The following CAMKK2 variants were observed in gnomAD, a reference collection of about 807,000 sequenced individuals.
The protein encoded by CAMKK2 is calcium/calmodulin dependent protein kinase kinase 2.
A neutral mutation model predicts 67.2 loss-of-function variants in CAMKK2; 30 were observed. That is an observed-to-expected ratio of 0.45 (90% CI 0.33 to 0.61). The LOEUF (loss-of-function observed/expected upper bound fraction) is 0.61. Among genes scored for constraint, CAMKK2 ranks in the 20% least tolerant of loss-of-function variants. CAMKK2 has a pLI of 0.02. For synonymous variants in CAMKK2, 322 were observed against 326.2 expected (o/e 0.99, Z 0.14); for missense variants, 643 against 802.0 (o/e 0.80, Z 2.39).
chr12:121,277,987 A>C (rs563744291), intron 1 of CAMKK2, among the ~76,000 whole-genome samples: 13 of 152,262 alleles, frequency 8.5e-5, no homozygotes, highest in Non-Finnish European at 1.6e-4. Context: ...ATAAATAAAA[A>C]GTGTTTTAAA....
intron 15 of CAMKK2, 45 bp from the exon 16 acceptor site, chr12:121,244,660 T>C (rs923775035): frequency 6.7e-7 from 1 of 1,487,516 alleles, no homozygotes; most frequent in Admixed American, 2.1e-5. Flanking sequence ...GAAGGGACCC[T>C]TGGGATCCAC....
intron 1 of CAMKK2, among the ~76,000 whole-genome samples, chr12:121,282,254 G>A (rs181113804): frequency 2.9e-4 from 44 of 152,194 alleles, no homozygotes; most frequent in Non-Finnish European, 5.4e-4. Context: ...GGAACAAAGT[G>A]GGGAAGGAGG....
intron 5 of CAMKK2, among the ~76,000 whole-genome samples, chr12:121,267,016 T>C (rs1423753642): frequency 1.7e-5 from 2 of 120,698 alleles, no homozygotes; most frequent in Non-Finnish European, 3.3e-5. Context: ...CCTCCTGTGC[T>C]CTGGCCTTTT....
intron 7 of CAMKK2, among the ~76,000 whole-genome samples, chr12:121,257,785 A>G (rs1471512807): frequency 6.6e-6 from 1 of 152,114 alleles, no homozygotes. Context: ...CAGACAACCC[A>G]GCGCTGGCCC....
At chr12:121,247,591 G>A (rs7975910) in intron 14 of CAMKK2, among the ~76,000 whole-genome samples, 29,885 of 152,084 alleles carry the variant, frequency 0.2, 3,463 homozygotes, top group African/African-American at 0.3. Context: ...AAGGGTGAGT[G>A]GGTGTGGGTG....
At chr12:121,280,808 C>T (rs113416715) in intron 1 of CAMKK2, among the ~76,000 whole-genome samples, 6,946 of 152,118 alleles carry the variant, frequency 0.046, 500 homozygotes, top group African/African-American at 0.16. Flanking sequence ...TTGGTCAGAC[C>T]GGTTGATCTC....
At chr12:121,244,222 G>T in intron 16 of CAMKK2, 1 of 1,359,612 alleles carries the variant, frequency 7.4e-7, no homozygotes, top group Non-Finnish European at 1.0e-6. Context: ...CTGACCATGC[G>T]GACTCGGGGG....
At chr12:121,283,467 C>A (rs1165902678) in intron 1 of CAMKK2, among the ~76,000 whole-genome samples, 1 of 152,146 alleles carries the variant, frequency 6.6e-6, no homozygotes, top group Non-Finnish European at 1.5e-5. Context: ...AAAAACGTTG[C>A]AAATGATGAC....
At chr12:121,250,430 C>T (rs1890453910) in intron 11 of CAMKK2, among the ~76,000 whole-genome samples, 1 of 152,206 alleles carries the variant, frequency 6.6e-6, no homozygotes, top group African/African-American at 2.4e-5. Flanking sequence ...TTTTCAAGGG[C>T]TTAGCCTGGA....
intron 1 of CAMKK2, among the ~76,000 whole-genome samples, chr12:121,288,680 T>C (rs1244920910): frequency 1.3e-5 from 2 of 152,142 alleles, no homozygotes; most frequent in Non-Finnish European, 2.9e-5. Flanking sequence ...TCCTGCCTCA[T>C]GCCTAAGCCA....
rs574521378 is a variant in CAMKK2 at position 121,245,954 on chromosome 12, A to T, written c.1453-714T>A. On this transcript the variant is annotated intron_variant, in intron 14 of 16. Transcript: ENST00000404169. This position sits in a 1 kb window ranked among gnomAD's most constrained non-coding sequence, Gnocchi z 5.8. ...GGAGTGAAGCACTGATCCATGCTAC[A>T]ACACAAACGGACCCTGAAAACCTTC... Among the ~76,000 whole-genome samples the T allele has an allele frequency of 2.6e-5, 4 of 152,328 alleles. No homozygotes were observed. The highest frequency in any genetic ancestry group is 9.6e-5 in the African/African-American group (4 of 41,566).
In CAMKK2 at chr12:121,274,100, G is replaced by T. The variant is rs35798271; in HGVS notation, c.427C>A (p.Arg143=). 9.6e-3 allele frequency: 14,766 copies of T among 1,533,702 alleles called. 1,115 individuals are homozygous for T. In the African/African-American group the frequency reaches 0.17, roughly 18 times the overall value. Residue 143 remains arginine (R), a synonymous_variant, in exon 2 of 17, where the codon CGG becomes AGG. Transcript: ENST00000404169. ...SPQSSPRLPR[R]PTVESHHVSI... ...ACGTGGTGAGACTCCACTGTCGGCCGCCGGGGCAGCCGAGGCGAGGACTGC... is the reference window on the plus strand; with the variant it reads ...ACGTGGTGAGACTCCACTGTCGGCCTCCGGGGCAGCCGAGGCGAGGACTGC...
At chr12:121,255,680 C>T in intron 8 of CAMKK2, 42 bp from the exon 9 acceptor site, 1 of 1,608,580 alleles carries the variant, frequency 6.2e-7, no homozygotes, top group South Asian at 1.1e-5. Context: ...GCAGACCCGC[C>T]AGCCCTTGCC....
chr12:121,273,185 T>C (rs1303545267), intron 2 of CAMKK2, among the ~76,000 whole-genome samples: 1 of 152,052 alleles, frequency 6.6e-6, no homozygotes, highest in Non-Finnish European at 1.5e-5. Context: ...TTAGGGATGG[T>C]GGCCCGGGAA....
Position 121,253,077 on chromosome 12 carries a change from A to C in CAMKK2, c.1107+196T>G, listed in dbSNP as rs1266846918. 6.6e-6 allele frequency among the ~76,000 whole-genome samples: 1 copy of C among 152,206 alleles called. No homozygotes were observed. The highest frequency in any genetic ancestry group is 1.9e-4 in the East Asian group (1 of 5,200). ...ACCCACCTGTGGAGGAAACCAAATA[A>C]GAAAAACAACTGAAAGATGGCGGGA... On this transcript the variant is annotated intron_variant, in intron 10 of 16. Transcript: ENST00000404169. The surrounding 1 kb of genome is among the most constrained non-coding windows in gnomAD (Gnocchi z 5.0).
intron 1 of CAMKK2, among the ~76,000 whole-genome samples, chr12:121,274,809 T>TC (rs1170124375): frequency 3.3e-5 from 5 of 149,570 alleles, no homozygotes; most frequent in Non-Finnish European, 7.4e-5. Context: ...TTTTTTCTTT[T>TC]TTTTTTTTTT....
rs1378357800 is a variant in CAMKK2 at position 121,253,330 on chromosome 12, C to T, written c.1050G>A (p.Thr350=). The T allele has an allele frequency of 9.3e-6, 15 of 1,614,054 alleles. No individual in the cohort carries two copies. The highest frequency in any genetic ancestry group is 9.3e-6 in the Non-Finnish European group (11 of 1,180,040). The change falls in exon 10 of 17, where the codon ACG becomes ACA. Residue 350 remains threonine, a synonymous_variant. Transcript: ENST00000404169. The surrounding 1 kb of genome is among the most constrained non-coding windows in gnomAD (Gnocchi z 5.0). ...SDALLSNTVG[T]PAFMAPESLS... ...GCGACTCGGGTGCCATGAAGGCGGG[C>T]GTGCCCACGGTGTTGGAGAGGAGCG...
chr12:121,250,295 A>G (rs1228119491), intron 11 of CAMKK2, among the ~76,000 whole-genome samples: 1 of 152,180 alleles, frequency 6.6e-6, no homozygotes, highest in Non-Finnish European at 1.5e-5. Flanking sequence ...CTCCCTCTGT[A>G]GCTGGGCCTC....
intron 7 of CAMKK2, among the ~76,000 whole-genome samples, chr12:121,258,426 G>A (rs1229496196): frequency 6.6e-6 from 1 of 151,898 alleles, no homozygotes; most frequent in Non-Finnish European, 1.5e-5. Context: ...TCAAACTCCT[G>A]GCCTCAAGCA....
Sources: allele counts gnomAD v4.1 joint callset (sites outside exome capture counted in the v4.1 genomes callset), GRCh38; gene constraint gnomAD v4.1.1; non-coding constraint Gnocchi (gnomAD v3.1); transcripts MANE v1.5; gene names NCBI Gene and HGNC (gene_info 2026-07-23, HGNC 2026-07-21).